Variants in NIBAN1 observed in about 807,000 individuals in gnomAD.
NIBAN1 encodes niban apoptosis regulator 1, also known as protein Niban 1.
A neutral mutation model predicts 75.1 loss-of-function variants in NIBAN1; 81 were observed. The observed-to-expected ratio is 1.08, with a 90% CI of 0.90 to 1.30. The LOEUF (loss-of-function observed/expected upper bound fraction) is 1.30, where lower values mean the gene tolerates loss of function less well. Ranked by LOEUF, NIBAN1 falls within the 50% of genes most tolerant of loss-of-function variation. The probability of loss-of-function intolerance (pLI) is 0.00; values close to 1 mark genes in which losing one functional copy is unlikely to be tolerated. For missense variants in NIBAN1, 1,133 were observed against 1,128.1 expected (o/e 1.00, Z -0.06); for synonymous variants, 436 against 424.8 (o/e 1.03, Z -0.32).
At chr1:184,967,648 TA>T (rs1658831257) in intron 1 of NIBAN1, among the ~76,000 whole-genome samples, 1 of 152,154 alleles carries the variant, frequency 6.6e-6, no homozygotes, top group South Asian at 2.1e-4. Flanking sequence ...TAAAAGATAA[TA>T]AAAATTACTA....
intron 5 of NIBAN1, among the ~76,000 whole-genome samples, chr1:184,882,654 G>A (rs1419802819): frequency 6.6e-6 from 1 of 152,132 alleles, no homozygotes; most frequent in African/African-American, 2.4e-5. Context: ...CTAAATGCAG[G>A]CTACATAACA....
At chr1:184,883,753 T>C (rs187029710) in intron 5 of NIBAN1, among the ~76,000 whole-genome samples, 2 of 152,108 alleles carry the variant, frequency 1.3e-5, no homozygotes, top group East Asian at 3.9e-4. Context: ...TATCTGGGGG[T>C]GAAGCCTAAG....
intron 11 of NIBAN1, among the ~76,000 whole-genome samples, chr1:184,803,917 C>A (rs905405704): frequency 2.3e-4 from 35 of 152,122 alleles, no homozygotes; most frequent in African/African-American, 8.2e-4. Flanking sequence ...GGTATGGAAA[C>A]TGAGGCAAGA....
At position 184,814,784 on chromosome 1, in the gene NIBAN1, G is replaced by C. The variant is rs555802394; in HGVS notation, c.1173+3854C>G. 2.6e-5 allele frequency among the ~76,000 whole-genome samples: 4 copies of C among 152,302 alleles called. No individual in the cohort carries two copies. The South Asian group carries it at 8.3e-4, about 32-fold the overall frequency. ...AATTTGAATGAACTCCATGGTCTAA[G>C]TCAAATTACCTATGATAAACCATTA... On this transcript the variant is annotated intron_variant, in intron 9 of 13. Coordinates refer to ENST00000367511, the MANE Select transcript of NIBAN1 (RefSeq NM_052966.4).
At chr1:184,799,198 C>T (rs998532864) in intron 12 of NIBAN1, among the ~76,000 whole-genome samples, 1 of 151,950 alleles carries the variant, frequency 6.6e-6, no homozygotes, top group African/African-American at 2.4e-5. Context: ...CCCTCTCCCC[C>T]CACCCCACAA....
At chr1:184,886,627 A>T (rs1157234481) in intron 4 of NIBAN1, among the ~76,000 whole-genome samples, 2 of 152,198 alleles carry the variant, frequency 1.3e-5, no homozygotes, top group Non-Finnish European at 2.9e-5. Context: ...ATGATATTGC[A>T]CTTGGTTAAA....
intron 1 of NIBAN1, among the ~76,000 whole-genome samples, chr1:184,965,821 A>T (rs1393680243): frequency 6.6e-6 from 1 of 152,228 alleles, no homozygotes; most frequent in Non-Finnish European, 1.5e-5. Flanking sequence ...AAAGTTAAAA[A>T]AAAGGATTGA....
At chr1:184,948,914 T>A (rs1432015635) in intron 1 of NIBAN1, among the ~76,000 whole-genome samples, 1 of 152,200 alleles carries the variant, frequency 6.6e-6, no homozygotes, top group Non-Finnish European at 1.5e-5. Flanking sequence ...AATTTATTTT[T>A]TTCTATTTTT....
intron 5 of NIBAN1, among the ~76,000 whole-genome samples, chr1:184,844,736 C>A (rs1655389165): frequency 6.6e-6 from 1 of 152,200 alleles, no homozygotes; most frequent in Non-Finnish European, 1.5e-5. Flanking sequence ...GACAATACAT[C>A]CCAGCTTCAT....
At chr1:184,887,386 G>T (rs931873299) in intron 4 of NIBAN1, among the ~76,000 whole-genome samples, 9 of 152,076 alleles carry the variant, frequency 5.9e-5, no homozygotes, top group Admixed American at 5.9e-4. Flanking sequence ...GGAGAATAAG[G>T]CCCCTGATTT....
Position 184,952,379 on chromosome 1 carries a change from C to T in NIBAN1, c.55+21923G>A, listed in dbSNP as rs573787031. On this transcript the variant is annotated intron_variant, in intron 1 of 13. Transcript: ENST00000367511. ...TCGCACCACTACACTCCAGCCTGGG[C>T]GACAGAGCAAGACCCTGTCTCAAAA... is the stretch of plus-strand genomic sequence containing the variant. 1.1e-4 allele frequency among the ~76,000 whole-genome samples: 17 copies of T among 152,088 alleles called. 1 individual carries two copies. The highest frequency in any genetic ancestry group is 3.9e-4 in the East Asian group (2 of 5,172).
intron 1 of NIBAN1, among the ~76,000 whole-genome samples, chr1:184,963,635 C>T (rs531182749): frequency 1.0e-3 from 155 of 151,966 alleles, no homozygotes; most frequent in Middle Eastern, 3.4e-3. Context: ...ATGGAAAATA[C>T]AATAGAAAAG....
chr1:184,886,559 C>G (rs975196880), intron 4 of NIBAN1, among the ~76,000 whole-genome samples: 1 of 152,160 alleles, frequency 6.6e-6, no homozygotes, highest in African/African-American at 2.4e-5. Flanking sequence ...TCATTTTAAA[C>G]CGACTACTAT....
At chr1:184,940,198 C>G (rs954055988) in intron 1 of NIBAN1, among the ~76,000 whole-genome samples, 1 of 152,080 alleles carries the variant, frequency 6.6e-6, no homozygotes, top group African/African-American at 2.4e-5. Context: ...TAACTGGCTA[C>G]CCAGAGATGA....
chr1:184,858,774 A>T (rs1008712018), intron 5 of NIBAN1, among the ~76,000 whole-genome samples: 13 of 152,226 alleles, frequency 8.5e-5, no homozygotes, highest in African/African-American at 3.1e-4. Flanking sequence ...AAACCTGGGA[A>T]CAGAGTAAAG....
chr1:184,824,455 C>T (rs888714158), intron 6 of NIBAN1, among the ~76,000 whole-genome samples: 1 of 152,004 alleles, frequency 6.6e-6, no homozygotes, highest in Admixed American at 6.6e-5. Flanking sequence ...TCTGCTTGAC[C>T]TGCTTCTCCA....
intron 5 of NIBAN1, among the ~76,000 whole-genome samples, chr1:184,884,308 C>T (rs1245878076): frequency 6.9e-6 from 1 of 144,236 alleles, no homozygotes; most frequent in Non-Finnish European, 1.5e-5. Context: ...ACCACAGCCT[C>T]TGCCTCCCGG....
At chr1:184,831,759 G>A (rs1264352739) in intron 6 of NIBAN1, 88 bp downstream of exon 6, 7 of 937,558 alleles carry the variant, frequency 7.5e-6, no homozygotes, top group Non-Finnish European at 1.0e-5. Flanking sequence ...CAACTTTTCT[G>A]TTTGATTGTT....
intron 5 of NIBAN1, among the ~76,000 whole-genome samples, chr1:184,844,097 T>G (rs1350318795): frequency 2.6e-5 from 4 of 152,248 alleles, no homozygotes; most frequent in African/African-American, 9.6e-5. Flanking sequence ...TTTCTGGAAA[T>G]GCTGTTGACA....
Sources: allele counts gnomAD v4.1 joint callset (sites outside exome capture counted in the v4.1 genomes callset), GRCh38; gene constraint gnomAD v4.1.1; transcripts MANE v1.5; gene names NCBI Gene and HGNC (gene_info 2026-07-23, HGNC 2026-07-21).